Variants in DNAH9 observed in about 807,000 individuals in gnomAD.
DNAH9 encodes the protein DNAH9 variant protein.
DNAH9 carries 345 observed loss-of-function variants against 471.6 expected under a neutral mutation model. The observed-to-expected ratio is 0.73, with a 90% CI of 0.67 to 0.80. The LOEUF is 0.80. Among genes scored for constraint, DNAH9 ranks in the 30% least tolerant of loss-of-function variants. DNAH9 has a pLI of 0.00. For missense variants in DNAH9, 5,407 were observed against 5,609.2 expected, an observed-to-expected ratio of 0.96 and a Z score of 1.15; for synonymous variants, 2,093 against 2,123.6, an observed-to-expected ratio of 0.99 and a Z score of 0.40.
chr17:11,945,046 G>A (rs908382092), intron 67 of DNAH9, among the ~76,000 whole-genome samples: 8 of 152,186 alleles, frequency 5.3e-5, no homozygotes, highest in Admixed American at 3.3e-4. Context: ...TTCGCAGAGT[G>A]GTCTGGCCTG....
At chr17:11,601,819 G>C (rs1044016550) in intron 1 of DNAH9, among the ~76,000 whole-genome samples, 2 of 152,020 alleles carry the variant, frequency 1.3e-5, no homozygotes, top group Non-Finnish European at 2.9e-5. Flanking sequence ...ATGCAGCATC[G>C]CTAAAGCCAG....
intron 14 of DNAH9, among the ~76,000 whole-genome samples, chr17:11,663,862 A>T (rs1258259556): frequency 6.6e-6 from 1 of 152,226 alleles, no homozygotes; most frequent in Non-Finnish European, 1.5e-5. Flanking sequence ...ATGGTGATGG[A>T]CTTTAAGTCA....
chr17:11,699,273 G>C (rs2074550391), intron 22 of DNAH9, among the ~76,000 whole-genome samples: 1 of 151,152 alleles, frequency 6.6e-6, no homozygotes, highest in Admixed American at 6.6e-5. Context: ...AAAAAAGACT[G>C]GGGTGGCTTC....
At chr17:11,801,159 A>G (rs1037861172) in intron 43 of DNAH9, among the ~76,000 whole-genome samples, 4 of 152,200 alleles carry the variant, frequency 2.6e-5, no homozygotes, top group Non-Finnish European at 4.4e-5. Flanking sequence ...TGAGACTGAG[A>G]GGAGAGAAGT....
At chr17:11,743,645 T>G (rs999155862) in intron 30 of DNAH9, among the ~76,000 whole-genome samples, 2 of 152,158 alleles carry the variant, frequency 1.3e-5, no homozygotes, top group African/African-American at 4.8e-5. Flanking sequence ...GATTGTCTTC[T>G]CACCTGAGCC....
At chr17:11,740,190 T>C (rs1223274543) in intron 29 of DNAH9, among the ~76,000 whole-genome samples, 1 of 152,238 alleles carries the variant, frequency 6.6e-6, no homozygotes, top group Non-Finnish European at 1.5e-5. Context: ...TAAATAAGCC[T>C]TGTGTTACAA....
chr17:11,740,204 A>C (rs1056701640), intron 29 of DNAH9, among the ~76,000 whole-genome samples: 27 of 152,340 alleles, frequency 1.8e-4, no homozygotes, highest in African/African-American at 5.8e-4. Flanking sequence ...GTTACAAATG[A>C]TTATAGAAGT....
chr17:11,935,979 G>A (rs1974700440), intron 65 of DNAH9, among the ~76,000 whole-genome samples: 1 of 152,146 alleles, frequency 6.6e-6, no homozygotes, highest in African/African-American at 2.4e-5. Context: ...GTCCCCTAGT[G>A]TCCATGGGAT....
At chr17:11,705,261 G>A in intron 26 of DNAH9, 76 bp downstream of exon 26, 5 of 1,328,752 alleles carry the variant, frequency 3.8e-6, no homozygotes, top group South Asian at 2.5e-5. Flanking sequence ...TAGGGTCAAA[G>A]TCCCTGTCAC....
chr17:11,749,210 G>T (rs1045745461), intron 32 of DNAH9, among the ~76,000 whole-genome samples: 3 of 150,418 alleles, frequency 2.0e-5, no homozygotes, highest in African/African-American at 7.4e-5. Flanking sequence ...TCAGCCTCCC[G>T]AGTAGCTGGG....
At chr17:11,824,279 G>A (rs923080449) in intron 48 of DNAH9, among the ~76,000 whole-genome samples, 17 of 152,246 alleles carry the variant, frequency 1.1e-4, no homozygotes, top group South Asian at 6.2e-4. Flanking sequence ...TTTTGCCTTT[G>A]GAATTGTTCT....
At chr17:11,866,990 C>T (rs1052308931) in intron 50 of DNAH9, among the ~76,000 whole-genome samples, 4 of 152,356 alleles carry the variant, frequency 2.6e-5, no homozygotes, top group Admixed American at 6.5e-5. Flanking sequence ...GGCAATGCCT[C>T]GCCCTGCTTC....
intron 14 of DNAH9, among the ~76,000 whole-genome samples, chr17:11,661,634 A>G (rs1163245916): frequency 6.6e-6 from 1 of 152,088 alleles, no homozygotes; most frequent in African/African-American, 2.4e-5. Context: ...TTCAGTATGC[A>G]TCTTCAGCTT....
At chr17:11,906,555 A>T (rs1359393180) in intron 61 of DNAH9, among the ~76,000 whole-genome samples, 1 of 150,246 alleles carries the variant, frequency 6.7e-6, no homozygotes, top group Non-Finnish European at 1.5e-5. Context: ...GGAACCTGGG[A>T]GGCAGAGGTT....
At chr17:11,661,388 A>G (rs977893425) in intron 14 of DNAH9, among the ~76,000 whole-genome samples, 2 of 152,120 alleles carry the variant, frequency 1.3e-5, no homozygotes, top group African/African-American at 4.8e-5. Flanking sequence ...AACTCTGCCT[A>G]TTAATTGGAA....
chr17:11,733,550 A>G (rs2075300126), intron 28 of DNAH9, among the ~76,000 whole-genome samples: 1 of 152,204 alleles, frequency 6.6e-6, no homozygotes, highest in South Asian at 2.1e-4. Flanking sequence ...GCTGGCTTGC[A>G]ATATATAGAA....
At chr17:11,850,748 C>T (rs1312574781) in intron 49 of DNAH9, among the ~76,000 whole-genome samples, 1 of 152,056 alleles carries the variant, frequency 6.6e-6, no homozygotes, top group Non-Finnish European at 1.5e-5. Context: ...AGGGCCCATG[C>T]TTAACCAAAC....
chr17:11,743,979 A>T (rs1427213231), intron 30 of DNAH9, among the ~76,000 whole-genome samples: 31 of 151,772 alleles, frequency 2.0e-4, no homozygotes, highest in Non-Finnish European at 1.5e-5. Context: ...ACAGGCACCC[A>T]CCACCAACCC....
chr17:11,854,169 T>C lies in DNAH9; in HGVS notation c.9674T>C (p.Leu3225Pro). 6.2e-7 allele frequency: 1 copy of C among 1,614,146 alleles called. No individual in the cohort carries two copies. Among genetic ancestry groups the C allele is most frequent in the Non-Finnish European group, 8.5e-7 (1 of 1,180,038 alleles). The change falls in exon 50 of 69, where the codon CTA (leucine) becomes CCA (proline). Residue 3225 changes from leucine to proline, a missense_variant. Leu to Pro is a moderately conservative substitution (Grantham distance 98). Transcript: ENST00000262442. Reference protein sequence around the residue: ...MAKVDGFLDSLINFNKENIHE... With the variant: ...MAKVDGFLDSPINFNKENIHE... ...AAAGTGGATGGCTTCCTGGACTCGC[T>C]AATAAACTTCAACAAAGAGAACATT... is the stretch of plus-strand genomic sequence containing the variant.
Sources: allele counts gnomAD v4.1 joint callset (sites outside exome capture counted in the v4.1 genomes callset), GRCh38; gene constraint gnomAD v4.1.1; transcripts MANE v1.5; gene names NCBI Gene and HGNC (gene_info 2026-07-23, HGNC 2026-07-21).